The following RAPGEF2 variants were observed in gnomAD, a reference collection of about 807,000 sequenced individuals.
RAPGEF2 encodes Rap guanine nucleotide exchange factor 2.
RAPGEF2 carries 54 observed loss-of-function variants against 186.7 expected under a neutral mutation model. That is an observed-to-expected ratio of 0.29 (90% CI 0.23 to 0.36). The LOEUF (loss-of-function observed/expected upper bound fraction) is 0.36. RAPGEF2 is among the 10% of genes least tolerant of loss of function. The pLI is 1.00. For missense variants in RAPGEF2, 1,532 were observed against 2,045.0 expected (o/e 0.75, Z 4.84); for synonymous variants, 712 against 705.9 (o/e 1.01, Z -0.14).
At chr4:159,120,925 G>T (rs1025756345) in intron 1 of RAPGEF2, among the ~76,000 whole-genome samples, 5 of 151,868 alleles carry the variant, frequency 3.3e-5, no homozygotes, top group African/African-American at 9.7e-5. Flanking sequence ...CGCAATCTTG[G>T]CTCACTGCAA....
At chr4:159,180,453 A>G (rs569263485) in intron 1 of RAPGEF2, among the ~76,000 whole-genome samples, 1 of 152,180 alleles carries the variant, frequency 6.6e-6, no homozygotes, top group African/African-American at 2.4e-5. Flanking sequence ...TCAAGTTTAC[A>G]TGGAGTCTAT....
At chr4:159,169,114 A>G (rs896656675) in intron 1 of RAPGEF2, among the ~76,000 whole-genome samples, 4 of 152,216 alleles carry the variant, frequency 2.6e-5, no homozygotes, top group African/African-American at 7.2e-5. Flanking sequence ...CAAGTATTCA[A>G]TACTTTGAAT....
chr4:159,221,190 C>A (rs1006048013), intron 4 of RAPGEF2, among the ~76,000 whole-genome samples: 1 of 152,168 alleles, frequency 6.6e-6, no homozygotes, highest in African/African-American at 2.4e-5. Context: ...TTTTCTCTCA[C>A]AGAAAAGGAC....
chr4:159,254,349 T>C (rs1755868974), intron 7 of RAPGEF2, among the ~76,000 whole-genome samples: 1 of 152,232 alleles, frequency 6.6e-6, no homozygotes, highest in Non-Finnish European at 1.5e-5. Context: ...TTTAATGTCA[T>C]AATGAAAACA....
chr4:159,225,934 T>TA (rs1010743614), intron 4 of RAPGEF2, among the ~76,000 whole-genome samples: 171 of 152,158 alleles, frequency 1.1e-3, no homozygotes, highest in Middle Eastern at 0.01. Context: ...ACATGTGCCT[T>TA]AAAAAAAATA....
At chr4:159,144,182 A>ATTTAATAACACAAAAT (rs567302547) in intron 1 of RAPGEF2, among the ~76,000 whole-genome samples, 1,577 of 152,262 alleles carry the variant, frequency 0.01, 30 homozygotes, top group African/African-American at 0.036. Context: ...ATAGCTGCAT[A>ATTTAATAACACAAAAT]AACAGTTTTG....
At chr4:159,107,579 C>A (rs556576956) in intron 1 of RAPGEF2, among the ~76,000 whole-genome samples, 1 of 152,030 alleles carries the variant, frequency 6.6e-6, no homozygotes, top group Non-Finnish European at 1.5e-5. Context: ...TGTAAAATAA[C>A]CCCCACCCCA....
At chr4:159,268,145 G>C (rs1269781929) in intron 7 of RAPGEF2, 1 of 1,612,866 alleles carries the variant, frequency 6.2e-7, no homozygotes. Context: ...TTCAGCATAT[G>C]TTTCTTCATT....
chr4:159,203,293 C>A (rs534996479), intron 3 of RAPGEF2, among the ~76,000 whole-genome samples: 7 of 152,258 alleles, frequency 4.6e-5, no homozygotes, highest in Non-Finnish European at 7.4e-5. Flanking sequence ...GGGTTCCTGT[C>A]TATTCAGTTC....
At chr4:159,195,459 C>T (rs1748540778) in intron 3 of RAPGEF2, among the ~76,000 whole-genome samples, 1 of 152,172 alleles carries the variant, frequency 6.6e-6, no homozygotes, top group Non-Finnish European at 1.5e-5. Context: ...TCCTATGTCC[C>T]ATGTCCTCTA....
chr4:159,357,891 T>C (rs1732264840), intron 29 of RAPGEF2, among the ~76,000 whole-genome samples: 1 of 152,220 alleles, frequency 6.6e-6, no homozygotes, highest in Admixed American at 6.5e-5. Context: ...ATGCATATCT[T>C]TTTAATATTG....
At chr4:159,215,441 G>T (rs1043805908) in intron 4 of RAPGEF2, among the ~76,000 whole-genome samples, 1 of 152,060 alleles carries the variant, frequency 6.6e-6, no homozygotes, top group Non-Finnish European at 1.5e-5. Context: ...ACCTCCCAAA[G>T]TTCTGGGATT....
chr4:159,109,630 T>C (rs1738273671), intron 1 of RAPGEF2, among the ~76,000 whole-genome samples: 1 of 152,232 alleles, frequency 6.6e-6, no homozygotes, highest in African/African-American at 2.4e-5. Context: ...CTCACTAATC[T>C]ATTGTTATAA....
chr4:159,349,530 G>A lies in RAPGEF2; in HGVS notation c.3713-607G>A, dbSNP rs115242853. Among the ~76,000 whole-genome samples the A allele has an allele frequency of 3.4e-3, 512 of 152,234 alleles. 5 individuals are homozygous for A. The highest frequency in any genetic ancestry group is 0.012 in the African/African-American group (493 of 41,518). On this transcript the variant is annotated intron_variant, in intron 25 of 29. Transcript: ENST00000691494. ...TCCTTCTTCTGAAACCTTCCTCCAA[G>A]GTTTTGTGACACAGCACTTTCATGG... is the stretch of plus-strand genomic sequence containing the variant.
rs1553991869 is a variant in RAPGEF2, at chr4:159,104,553, A to AGAGAGAGAGAGAGAGAGAGT, written c.69+323_69+324insAGAGAGAGAGAGAGAGAGTG. The stretch of plus-strand genomic sequence containing the variant: ...GAGAGACAGAGAGAGAGAGAGAGAG[A>AGAGAGAGAGAGAGAGAGAGT]GTGTGTGTGTGTGTGTGTATGTGTG... On this transcript the variant is annotated intron_variant, in intron 1 of 29. Transcript: ENST00000691494. 4.4e-5 allele frequency among the ~76,000 whole-genome samples: 6 copies of AGAGAGAGAGAGAGAGAGAGT among 136,120 alleles called. 1 individual carries two copies. The highest frequency in any genetic ancestry group is 4.8e-4 in the South Asian group (2 of 4,206). 89.3% of individuals were successfully genotyped at this position (136,120 alleles called of 152,430 possible).
chr4:159,279,201 A>G (rs1236229655), intron 7 of RAPGEF2, among the ~76,000 whole-genome samples: 1 of 152,232 alleles, frequency 6.6e-6, no homozygotes, highest in Non-Finnish European at 1.5e-5. Flanking sequence ...GCCTCCACAT[A>G]CTAAAGAAAT....
chr4:159,175,697 G>T (rs1487521965), intron 1 of RAPGEF2, among the ~76,000 whole-genome samples: 1 of 152,154 alleles, frequency 6.6e-6, no homozygotes, highest in African/African-American at 2.4e-5. Flanking sequence ...TAGGAAGGAC[G>T]GTTGGTCCAG....
At chr4:159,294,368 A>G (rs1285038546) in intron 7 of RAPGEF2, among the ~76,000 whole-genome samples, 1 of 152,184 alleles carries the variant, frequency 6.6e-6, no homozygotes, top group East Asian at 1.9e-4. Flanking sequence ...AATTGGTTAT[A>G]GAAGCCATCT....
chr4:159,349,695 C>G (rs1730895497), intron 25 of RAPGEF2, among the ~76,000 whole-genome samples: 1 of 152,200 alleles, frequency 6.6e-6, no homozygotes. Context: ...TTCTCACTTC[C>G]CTTGAGCTAC....
Sources: gnomAD v4.1 joint callset for allele counts (sites outside exome capture counted in the v4.1 genomes callset) on GRCh38, gnomAD v4.1.1 for gene constraint, MANE v1.5 for transcripts, NCBI Gene and HGNC (gene_info 2026-07-23, HGNC 2026-07-21) for gene names.